SDK1: variants seen among roughly 807,000 people sequenced by gnomAD.
The protein encoded by SDK1 is sidekick cell adhesion molecule 1.
A neutral mutation model predicts 245.5 loss-of-function variants in SDK1; 157 were observed. The ratio of observed to expected loss-of-function variants is 0.64; its 90% CI spans 0.56 to 0.73. The LOEUF is 0.73. Ranked by LOEUF, SDK1 falls within the 30% of genes least tolerant of loss-of-function variation. The pLI is 0.00. For missense variants in SDK1, 3,583 were observed against 3,002.3 expected (o/e 1.19, Z -4.52); for synonymous variants, 1,647 against 1,278.5 (o/e 1.29, Z -6.15).
intron 1 of SDK1, among the ~76,000 whole-genome samples, chr7:3,397,151 A>G (rs1325085108): frequency 6.6e-6 from 1 of 151,884 alleles, no homozygotes; most frequent in Non-Finnish European, 1.5e-5. Context: ...CTTATAAATT[A>G]TGTATTTATA....
intron 1 of SDK1, among the ~76,000 whole-genome samples, chr7:3,583,764 G>T (rs1036919863): frequency 2.0e-5 from 3 of 151,556 alleles, no homozygotes; most frequent in East Asian, 1.9e-4. Flanking sequence ...CCACCTGCTT[G>T]CAGGGTCCTG....
intron 1 of SDK1, among the ~76,000 whole-genome samples, chr7:3,522,405 C>A (rs1400593768): frequency 6.6e-6 from 1 of 152,192 alleles, no homozygotes; most frequent in Admixed American, 6.5e-5. Context: ...AATGCCCAAT[C>A]ACTGTGGCTA....
intron 2 of SDK1, among the ~76,000 whole-genome samples, chr7:3,626,992 G>C (rs1305016460): frequency 1.3e-5 from 2 of 151,878 alleles, no homozygotes; most frequent in Admixed American, 6.6e-5. Context: ...CAGTGGCACA[G>C]TCATAGTTCA....
Position 3,773,576 on chromosome 7 carries a change from G to T in SDK1, c.714-47874G>T, listed in dbSNP as rs114895386. On this transcript the variant is annotated intron_variant, in intron 4 of 44. Transcript: ENST00000404826. ...GTTGTTTTATTTTTTTTCTTTAAATGAGTGATACTTTCTTATTTCTTTGTA... is the reference window on the plus strand; with the variant it reads ...GTTGTTTTATTTTTTTTCTTTAAATTAGTGATACTTTCTTATTTCTTTGTA... 4.9e-3 allele frequency among the ~76,000 whole-genome samples: 747 copies of T among 152,162 alleles called. 6 individuals carry two copies. The highest frequency in any genetic ancestry group is 0.017 in the African/African-American group (722 of 41,532).
At chr7:3,553,785 A>G (rs1779492173) in intron 1 of SDK1, among the ~76,000 whole-genome samples, 1 of 152,170 alleles carries the variant, frequency 6.6e-6, no homozygotes, top group Admixed American at 6.5e-5. Context: ...CCAGAGAGGA[A>G]TAGGTGGTTA....
At chr7:3,377,587 T>C (rs1781385932) in intron 1 of SDK1, among the ~76,000 whole-genome samples, 1 of 152,102 alleles carries the variant, frequency 6.6e-6, no homozygotes, top group Admixed American at 6.5e-5. Flanking sequence ...TCCCCGTCTC[T>C]GTGTCTGTTG....
chr7:4,146,043 G>C, intron 29 of SDK1, 127 bp downstream of exon 29: 2 of 789,894 alleles, frequency 2.5e-6, no homozygotes, highest in East Asian at 5.5e-5. Flanking sequence ...GAAGGGATGT[G>C]AGCATTTACA....
At chr7:3,563,432 C>T (rs1409850236) in intron 1 of SDK1, among the ~76,000 whole-genome samples, 2 of 151,886 alleles carry the variant, frequency 1.3e-5, no homozygotes, top group African/African-American at 4.8e-5. Context: ...TATGAACCAA[C>T]AGAAAGCAGT....
chr7:4,064,858 T>C (rs1319838691), intron 19 of SDK1, among the ~76,000 whole-genome samples: 1 of 151,496 alleles, frequency 6.6e-6, no homozygotes, highest in Admixed American at 6.6e-5. Flanking sequence ...GCCAATCTCA[T>C]GGAGATAAGA....
chr7:4,174,685 A>T (rs1782075830), intron 33 of SDK1, among the ~76,000 whole-genome samples: 1 of 152,122 alleles, frequency 6.6e-6, no homozygotes, highest in Non-Finnish European at 1.5e-5. Context: ...GCAGGGGGCC[A>T]GTAGGAACCT....
At chr7:3,686,503 C>T (rs1276518010) in intron 4 of SDK1, among the ~76,000 whole-genome samples, 1 of 152,226 alleles carries the variant, frequency 6.6e-6, no homozygotes, top group African/African-American at 2.4e-5. Flanking sequence ...ACACATATGC[C>T]TGTCACTCAC....
Position 4,127,973 on chromosome 7 carries a change from C to G in SDK1, c.3939+477C>G, listed in dbSNP as rs141312037. Among the ~76,000 whole-genome samples, 560 of 152,330 alleles carry G rather than the reference C, an allele frequency of 3.7e-3. 7 individuals carry two copies. Among genetic ancestry groups the G allele is most frequent in the African/African-American group, 0.013 (528 of 41,566 alleles). ...GTGTGCATGTTTCTATGTGTGTCAT[C>G]ACGGTCCTAGCAATGGCATCCGCTG... On this transcript the variant is annotated intron_variant, in intron 26 of 44. Transcript: ENST00000404826.
rs552381522 is a variant in SDK1, at chr7:3,974,129, G to T, written c.1818-240G>T. ...AACCCAGGAGGTGGAGGCTGCAGTGGGCCAAGATCATGCCACTGCACTCCA... is the reference window on the plus strand; with the variant it reads ...AACCCAGGAGGTGGAGGCTGCAGTGTGCCAAGATCATGCCACTGCACTCCA... On this transcript the variant is annotated intron_variant, in intron 12 of 44. Transcript: ENST00000404826. Among the ~76,000 whole-genome samples, 8 of 145,654 alleles carry T rather than the reference G, an allele frequency of 5.5e-5. No homozygotes were observed. In the South Asian group the frequency reaches 1.3e-3, roughly 24 times the overall value.
intron 1 of SDK1, among the ~76,000 whole-genome samples, chr7:3,483,313 A>G (rs374814063): frequency 1.3e-5 from 2 of 152,038 alleles, no homozygotes; most frequent in Admixed American, 6.6e-5. Context: ...AGATCTTGCC[A>G]CCTTTTTTTA....
chr7:3,577,792 C>T (rs1024267426), intron 1 of SDK1, among the ~76,000 whole-genome samples: 3 of 151,942 alleles, frequency 2.0e-5, no homozygotes, highest in Non-Finnish European at 4.4e-5. Context: ...ATATTGTCCC[C>T]CAACCATGTT....
intron 7 of SDK1, among the ~76,000 whole-genome samples, chr7:3,955,281 G>C (rs1445332160): frequency 3.3e-5 from 5 of 152,178 alleles, no homozygotes; most frequent in Non-Finnish European, 7.3e-5. Flanking sequence ...AGAGTCCCCT[G>C]CATCCCTGGC....
intron 32 of SDK1, among the ~76,000 whole-genome samples, chr7:4,162,614 G>A (rs1320762849): frequency 1.3e-5 from 2 of 151,988 alleles, no homozygotes; most frequent in African/African-American, 4.8e-5. Context: ...TGACCAGGCT[G>A]ATCTTGAACT....
At position 3,725,331 on chromosome 7, in the gene SDK1, T is replaced by C. The variant is rs147257098; in HGVS notation, c.713+83226T>C. 5.4e-3 allele frequency among the ~76,000 whole-genome samples: 816 copies of C among 152,250 alleles called. 6 individuals carry two copies. The highest frequency in any genetic ancestry group is 0.018 in the African/African-American group (767 of 41,552). ...TTGAGTGAGGAAGGAACTGTCCTTC[T>C]CAAAGCATTGCAGCCTGATAAGGGC... On this transcript the variant is annotated intron_variant, in intron 4 of 44. Transcript: ENST00000404826.
chr7:4,163,312 C>T (rs1327354792), intron 32 of SDK1, among the ~76,000 whole-genome samples: 1 of 152,122 alleles, frequency 6.6e-6, no homozygotes, highest in East Asian at 1.9e-4. Context: ...AGGACAATGG[C>T]AGGGTGCCCG....
Sources: allele counts gnomAD v4.1 joint callset (sites outside exome capture counted in the v4.1 genomes callset), GRCh38; gene constraint gnomAD v4.1.1; transcripts MANE v1.5; gene names NCBI Gene and HGNC (gene_info 2026-07-23, HGNC 2026-07-21).